ZBTB20: variants seen among roughly 807,000 people sequenced by gnomAD.
The protein encoded by ZBTB20 is zinc finger and BTB domain-containing protein 20.
A neutral mutation model predicts 56.9 loss-of-function variants in ZBTB20; 9 were observed. That is an observed-to-expected ratio of 0.16 (90% CI 0.10 to 0.28). The LOEUF (loss-of-function observed/expected upper bound fraction) is 0.28. ZBTB20 is among the 10% of genes least tolerant of loss of function. The pLI is 1.00. For synonymous variants in ZBTB20, 417 were observed against 420.7 expected (o/e 0.99, Z 0.11); for missense variants, 655 against 1,003.0 (o/e 0.65, Z 4.69).
chr3:115,014,135 T>A (rs955375192), intron 2 of ZBTB20, among the ~76,000 whole-genome samples: 1 of 151,698 alleles, frequency 6.6e-6, no homozygotes, highest in Admixed American at 6.6e-5. Flanking sequence ...CTGGAAATTA[T>A]TAGGTTAAGT....
intron 3 of ZBTB20, among the ~76,000 whole-genome samples, chr3:114,925,551 G>A (rs894950553): frequency 5.9e-5 from 9 of 152,054 alleles, no homozygotes; most frequent in Admixed American, 3.3e-4. Flanking sequence ...GTCTTGAGAC[G>A]GAGTCTTGCT....
chr3:114,467,414 A>G (rs1366091392), intron 7 of ZBTB20, among the ~76,000 whole-genome samples: 1 of 152,184 alleles, frequency 6.6e-6, no homozygotes, highest in Non-Finnish European at 1.5e-5. Context: ...GAACAGGAGA[A>G]CCATAAAAAC....
At chr3:114,768,170 A>C (rs2068917407) in intron 5 of ZBTB20, among the ~76,000 whole-genome samples, 1 of 151,984 alleles carries the variant, frequency 6.6e-6, no homozygotes, top group African/African-American at 2.4e-5. Context: ...ACCGAGCAAA[A>C]ACACACACAC....
chr3:114,817,861 A>C (rs924152596), intron 4 of ZBTB20, among the ~76,000 whole-genome samples: 2 of 152,166 alleles, frequency 1.3e-5, no homozygotes, highest in African/African-American at 4.8e-5. Flanking sequence ...AAATGATACC[A>C]TTACATGGGG....
chr3:114,350,049 T>C (rs1460453411), intron 11 of ZBTB20, among the ~76,000 whole-genome samples: 1 of 152,120 alleles, frequency 6.6e-6, no homozygotes, highest in African/African-American at 2.4e-5. Context: ...CCCTAGGACA[T>C]CCCTTCTCCA....
At chr3:114,749,369 T>C (rs898714731) in intron 5 of ZBTB20, among the ~76,000 whole-genome samples, 1 of 151,980 alleles carries the variant, frequency 6.6e-6, no homozygotes, top group Non-Finnish European at 1.5e-5. Context: ...CTGGCCAACA[T>C]AGTGAAACCC....
chr3:114,451,455 C>T (rs746407134), intron 7 of ZBTB20, among the ~76,000 whole-genome samples: 3 of 151,990 alleles, frequency 2.0e-5, no homozygotes, highest in Non-Finnish European at 2.9e-5. Flanking sequence ...ATGGACCCCC[C>T]AAAAAGCCTA....
intron 3 of ZBTB20, among the ~76,000 whole-genome samples, chr3:114,965,765 G>T (rs904775855): frequency 1.3e-5 from 2 of 152,096 alleles, no homozygotes; most frequent in Non-Finnish European, 2.9e-5. Flanking sequence ...TAGTGATGTT[G>T]AGCATTTTTT....
At chr3:114,914,583 T>C (rs1459911685) in intron 3 of ZBTB20, among the ~76,000 whole-genome samples, 1 of 151,902 alleles carries the variant, frequency 6.6e-6, no homozygotes, top group Non-Finnish European at 1.5e-5. Flanking sequence ...TGTACTACTA[T>C]GACTTCTAGT....
intron 1 of ZBTB20, among the ~76,000 whole-genome samples, chr3:115,090,411 T>C (rs1242325743): frequency 3.3e-5 from 5 of 151,852 alleles, no homozygotes; most frequent in African/African-American, 1.2e-4. Flanking sequence ...TAAATAAACA[T>C]TACTGTCAAA....
chr3:114,788,141 ATG>A (rs1483712105), intron 5 of ZBTB20, among the ~76,000 whole-genome samples: 1 of 152,144 alleles, frequency 6.6e-6, no homozygotes, highest in African/African-American at 2.4e-5. Context: ...TGTAACTGCA[ATG>A]TATTTTCACT....
intron 8 of ZBTB20, among the ~76,000 whole-genome samples, chr3:114,386,440 G>C (rs2085135229): frequency 6.6e-6 from 1 of 152,038 alleles, no homozygotes; most frequent in South Asian, 2.1e-4. Context: ...TGAGGTTAAG[G>C]GACCTCAAGA....
chr3:114,724,854 A>G (rs2065160195), intron 5 of ZBTB20, among the ~76,000 whole-genome samples: 1 of 152,212 alleles, frequency 6.6e-6, no homozygotes, highest in Non-Finnish European at 1.5e-5. Flanking sequence ...CCAAATAGGA[A>G]TGGCTTTCAC....
At chr3:114,648,335 T>C (rs1283604679) in intron 6 of ZBTB20, among the ~76,000 whole-genome samples, 2 of 151,986 alleles carry the variant, frequency 1.3e-5, no homozygotes, top group Non-Finnish European at 2.9e-5. Flanking sequence ...CTAAGCATTT[T>C]ATATACATTC....
chr3:114,463,367 C>T (rs2092412507), intron 7 of ZBTB20, among the ~76,000 whole-genome samples: 1 of 152,152 alleles, frequency 6.6e-6, no homozygotes, highest in African/African-American at 2.4e-5. Flanking sequence ...CCTGAACTTA[C>T]ATTAATCCCT....
In ZBTB20 at chr3:114,606,462, C is replaced by T. The variant is rs562508230; in HGVS notation, c.-295+87066G>A. Among the ~76,000 whole-genome samples the T allele has an allele frequency of 3.8e-4, 58 of 152,190 alleles. 1 individual carries two copies. The highest frequency in any genetic ancestry group is 1.1e-3 in the African/African-American group (45 of 41,532). On this transcript the variant is annotated intron_variant, in intron 6 of 11. Coordinates refer to ENST00000675478, the MANE Select transcript of ZBTB20 (RefSeq NM_001348800.3). Reference sequence around the variant, plus strand: ...TGTCAACTTCCTTAAGGATGTCTGGCATAGCTGAGTTCAGTCATGTAACAT... The same window carrying T: ...TGTCAACTTCCTTAAGGATGTCTGGTATAGCTGAGTTCAGTCATGTAACAT...
At chr3:115,111,057 A>T (rs1172012147) in intron 1 of ZBTB20, among the ~76,000 whole-genome samples, 1 of 151,286 alleles carries the variant, frequency 6.6e-6, no homozygotes, top group Non-Finnish European at 1.5e-5. Context: ...AAAATAAAAC[A>T]AATCCTCCTT....
At chr3:114,926,483 C>G (rs1186155717) in intron 3 of ZBTB20, among the ~76,000 whole-genome samples, 1 of 151,790 alleles carries the variant, frequency 6.6e-6, no homozygotes, top group Non-Finnish European at 1.5e-5. Context: ...TATTACTAAT[C>G]CTGAGAACAG....
chr3:114,912,815 G>T lies in ZBTB20; in HGVS notation c.-455-12473C>A, dbSNP rs112113323. On this transcript the variant is annotated intron_variant, in intron 3 of 11. Coordinates refer to ENST00000675478, the MANE Select transcript of ZBTB20 (RefSeq NM_001348800.3). ...GTCATTCTACTCTCTATCTCCGTGAGCTCAATTGTTTTAATTTTTAGCTCC... is the reference window on the plus strand; with the variant it reads ...GTCATTCTACTCTCTATCTCCGTGATCTCAATTGTTTTAATTTTTAGCTCC... Among the ~76,000 whole-genome samples, 928 of 151,890 alleles carry T rather than the reference G, an allele frequency of 6.1e-3. 11 individuals carry two copies. Among genetic ancestry groups the T allele is most frequent in the African/African-American group, 0.021 (857 of 41,438 alleles).
Sources: gnomAD v4.1 joint callset for allele counts (sites outside exome capture counted in the v4.1 genomes callset) on GRCh38, gnomAD v4.1.1 for gene constraint, MANE v1.5 for transcripts, NCBI Gene and HGNC (gene_info 2026-07-23, HGNC 2026-07-21) for gene names.